Variants in SLC35F4 observed in about 807,000 individuals in gnomAD.
SLC35F4 encodes solute carrier family 35 member F4.
Under a neutral mutation model 44.2 loss-of-function variants are expected in SLC35F4, and 24 were observed. That is an observed-to-expected ratio of 0.54 (90% CI 0.39 to 0.76). The LOEUF (loss-of-function observed/expected upper bound fraction) is 0.76. Ranked by LOEUF, SLC35F4 falls within the 30% of genes least tolerant of loss-of-function variation. The probability of loss-of-function intolerance (pLI) is 0.00; values close to 1 mark genes in which losing one functional copy is unlikely to be tolerated. For synonymous variants in SLC35F4, 238 were observed against 223.6 expected, an observed-to-expected ratio of 1.06 and a Z score of -0.57; for missense variants, 562 against 586.1, an observed-to-expected ratio of 0.96 and a Z score of 0.42.
intron 1 of SLC35F4, among the ~76,000 whole-genome samples, chr14:57,911,400 C>T (rs192609081): frequency 1.1e-3 from 162 of 152,050 alleles, no homozygotes; most frequent in African/African-American, 3.7e-3. Flanking sequence ...CTCCCCGTTA[C>T]GTATGATGTT....
chr14:57,946,801 T>A (rs1013664409), intron 1 of SLC35F4, among the ~76,000 whole-genome samples: 3 of 152,204 alleles, frequency 2.0e-5, no homozygotes, highest in African/African-American at 7.2e-5. Context: ...CTGGGTTCTC[T>A]GTTCAATCCC....
At chr14:57,755,894 G>C (rs2076983944) in intron 1 of SLC35F4, among the ~76,000 whole-genome samples, 2 of 152,200 alleles carry the variant, frequency 1.3e-5, no homozygotes, top group Admixed American at 6.5e-5. Context: ...AGCCTCGGAG[G>C]CCAGGCTAGA....
In SLC35F4 at chr14:57,850,974, A is replaced by G. The variant is rs193171853; in HGVS notation, c.103+14749T>C. 3.2e-3 allele frequency among the ~76,000 whole-genome samples: 492 copies of G among 152,318 alleles called. 6 individuals carry two copies. The highest frequency in any genetic ancestry group is 0.011 in the African/African-American group (473 of 41,576). On this transcript the variant is annotated intron_variant, in intron 1 of 7. Transcript: ENST00000556826. ...GGATCAGGAAATCTGGCATTTCTTGAAACATGTCCACCCTCTTCCTGCAAA... is the reference window on the plus strand; with the variant it reads ...GGATCAGGAAATCTGGCATTTCTTGGAACATGTCCACCCTCTTCCTGCAAA...
chr14:57,587,099 G>A lies in SLC35F4; in HGVS notation c.587+2117C>T, dbSNP rs144342422. The stretch of plus-strand genomic sequence containing the variant: ...ACCATCTCAGGCCAGTTAGAATGGT[G>A]ATCATTAATAAGTCAGGAAACAACA... On this transcript the variant is annotated intron_variant, in intron 3 of 7. Coordinates refer to ENST00000556826, the MANE Select transcript of SLC35F4 (RefSeq NM_001306087.2). Among the ~76,000 whole-genome samples the A allele has an allele frequency of 5.8e-3, 876 of 152,274 alleles. 6 individuals carry two copies. Among genetic ancestry groups the A allele is most frequent in the African/African-American group, 0.02 (820 of 41,540 alleles).
chr14:57,914,332 G>C (rs1025988696), intron 1 of SLC35F4, among the ~76,000 whole-genome samples: 1 of 152,162 alleles, frequency 6.6e-6, no homozygotes, highest in Non-Finnish European at 1.5e-5. Flanking sequence ...GGGAGGCTGA[G>C]GTGGCCAGAT....
chr14:57,809,137 T>TTACA (rs1270936311), intron 1 of SLC35F4, among the ~76,000 whole-genome samples: 5 of 152,268 alleles, frequency 3.3e-5, no homozygotes, highest in Admixed American at 6.5e-5. Flanking sequence ...AGAAAGCGAA[T>TTACA]TACAGTTCTT....
intron 5 of SLC35F4, among the ~76,000 whole-genome samples, chr14:57,570,724 T>C (rs926627020): frequency 6.6e-6 from 1 of 152,198 alleles, no homozygotes; most frequent in African/African-American, 2.4e-5. Context: ...GCTGCAGATA[T>C]GATTTGGTGC....
At chr14:57,943,974 G>A (rs1247835208) in intron 1 of SLC35F4, among the ~76,000 whole-genome samples, 2 of 152,062 alleles carry the variant, frequency 1.3e-5, no homozygotes, top group African/African-American at 2.4e-5. Context: ...ATGACAGGCA[G>A]CTATTGCACC....
chr14:57,676,132 C>T (rs1393172830), intron 1 of SLC35F4, among the ~76,000 whole-genome samples: 1 of 151,890 alleles, frequency 6.6e-6, no homozygotes, highest in Non-Finnish European at 1.5e-5. Flanking sequence ...ACAAGTAATC[C>T]CATCGAAAAG....
At chr14:57,698,749 T>C (rs1293300205) in intron 1 of SLC35F4, among the ~76,000 whole-genome samples, 2 of 151,942 alleles carry the variant, frequency 1.3e-5, no homozygotes, top group African/African-American at 4.8e-5. Context: ...GTGATTCTCC[T>C]GCCTCAGCCT....
chr14:57,690,578 A>T (rs2075202102), intron 1 of SLC35F4, among the ~76,000 whole-genome samples: 1 of 152,094 alleles, frequency 6.6e-6, no homozygotes, highest in Non-Finnish European at 1.5e-5. Flanking sequence ...TGATTCAAGC[A>T]CATTACATTT....
Position 57,865,809 on chromosome 14 carries a change from G to A in SLC35F4, c.17C>T (p.Ala6Val). 1 of 1,519,166 alleles carries A rather than the reference G, an allele frequency of 6.6e-7. No individual in the cohort carries two copies. Among genetic ancestry groups the A allele is most frequent in the Non-Finnish European group, 8.8e-7 (1 of 1,139,998 alleles). 94.1% of individuals were successfully genotyped at this position (1,519,166 alleles called of 1,614,324 possible). Residue 6 changes from alanine (A) to valine (V), a missense_variant, in exon 1 of 8, where the codon GCC (alanine) becomes GTC (valine). Transcript: ENST00000556826. ...CTCGATAGTGGCCACCCCGTTGGGG[G>A]CCGCCTTGACATCCATAGAGAGCGC... MDVKA[A>V]PNGVATIEDR... is the part of the protein sequence containing the mutation.
chr14:57,806,148 C>T (rs1364560999), intron 1 of SLC35F4, among the ~76,000 whole-genome samples: 2 of 152,068 alleles, frequency 1.3e-5, no homozygotes, highest in Admixed American at 1.3e-4. Flanking sequence ...TGTCTTCTCC[C>T]ACATCCTTAC....
chr14:57,724,611 G>A (rs2076159516), intron 1 of SLC35F4, among the ~76,000 whole-genome samples: 1 of 152,174 alleles, frequency 6.6e-6, no homozygotes, highest in Non-Finnish European at 1.5e-5. Flanking sequence ...TGAGGAAGTA[G>A]TTCAAATGCC....
At chr14:57,810,180 C>A (rs78109877) in intron 1 of SLC35F4, among the ~76,000 whole-genome samples, 9,835 of 152,266 alleles carry the variant, frequency 0.065, 503 homozygotes, top group Non-Finnish European at 0.094. Flanking sequence ...GCTACTCCCC[C>A]ATCCTAGGGA....
chr14:57,916,714 A>G (rs1182423487), intron 1 of SLC35F4, among the ~76,000 whole-genome samples: 2 of 152,200 alleles, frequency 1.3e-5, no homozygotes, highest in Non-Finnish European at 2.9e-5. Context: ...GGAATTGGGT[A>G]CTAGGCTCAC....
At chr14:57,858,815 C>T (rs1214671975) in intron 1 of SLC35F4, among the ~76,000 whole-genome samples, 2 of 150,364 alleles carry the variant, frequency 1.3e-5, no homozygotes, top group African/African-American at 2.5e-5. Flanking sequence ...GAAAGTTGGG[C>T]CAATGCAGTA....
At chr14:57,648,978 C>G (rs969785486) in intron 1 of SLC35F4, among the ~76,000 whole-genome samples, 1 of 151,568 alleles carries the variant, frequency 6.6e-6, no homozygotes, top group South Asian at 2.1e-4. Context: ...CTCTGTCCTT[C>G]CTTCCTGTCT....
At chr14:57,674,748 T>C (rs1181881271) in intron 1 of SLC35F4, among the ~76,000 whole-genome samples, 1 of 152,102 alleles carries the variant, frequency 6.6e-6, no homozygotes, top group African/African-American at 2.4e-5. Flanking sequence ...TACTCACAGC[T>C]GTACCAGTAG....
Sources: gnomAD v4.1 joint callset for allele counts (sites outside exome capture counted in the v4.1 genomes callset) on GRCh38, gnomAD v4.1.1 for gene constraint, MANE v1.5 for transcripts, NCBI Gene and HGNC (gene_info 2026-07-23, HGNC 2026-07-21) for gene names.